The following MTSS1 variants were observed in gnomAD, a reference collection of about 807,000 sequenced individuals.
MTSS1 encodes the protein protein MTSS 1.
In MTSS1, 18 loss-of-function variants were observed where a neutral mutation model predicts 79.0. That is an observed-to-expected ratio of 0.23 (90% CI 0.16 to 0.34). The LOEUF (loss-of-function observed/expected upper bound fraction) is 0.34. Among genes scored for constraint, MTSS1 ranks in the 10% least tolerant of loss-of-function variants. The pLI is 1.00. For synonymous variants in MTSS1, 341 were observed against 368.6 expected (o/e 0.93, Z 0.86); for missense variants, 815 against 986.2 (o/e 0.83, Z 2.33).
intron 3 of MTSS1, among the ~76,000 whole-genome samples, chr8:124,629,677 G>A (rs751814633): frequency 6.6e-5 from 10 of 151,970 alleles, no homozygotes; most frequent in Non-Finnish European, 1.2e-4. Context: ...TGCCTCCAAC[G>A]TTAAGTGGCC....
At chr8:124,557,610 G>C (rs1029613558) in intron 11 of MTSS1, 71 bp downstream of exon 11, 7 of 1,391,928 alleles carry the variant, frequency 5.0e-6, no homozygotes, top group Admixed American at 4.1e-5. Flanking sequence ...GTCGGGGTGA[G>C]GGGGTTGGAA....
At chr8:124,664,741 C>T (rs535436402) in intron 3 of MTSS1, among the ~76,000 whole-genome samples, 6 of 152,316 alleles carry the variant, frequency 3.9e-5, no homozygotes, top group African/African-American at 1.2e-4. Context: ...TTGCTTCAGC[C>T]TCCAGGCCTG....
At chr8:124,650,607 C>T (rs1012452648) in intron 3 of MTSS1, among the ~76,000 whole-genome samples, 10 of 152,308 alleles carry the variant, frequency 6.6e-5, no homozygotes, top group Admixed American at 2.0e-4. Flanking sequence ...CTTTGATCAA[C>T]CCAGCCTTCT....
At chr8:124,704,330 G>A (rs1027111945) in intron 1 of MTSS1, 139 bp from the exon 2 acceptor site, 25 of 745,536 alleles carry the variant, frequency 3.4e-5, no homozygotes, top group East Asian at 1.5e-4. Context: ...TACGTTTCCC[G>A]GATTCTATAT....
At chr8:124,697,746 A>T (rs1587863079) in intron 3 of MTSS1, among the ~76,000 whole-genome samples, 1 of 152,182 alleles carries the variant, frequency 6.6e-6, no homozygotes, top group Admixed American at 6.5e-5. Context: ...GTATTTTCTC[A>T]AGTTTCTATA....
At chr8:124,571,906 G>A (rs1297563276) in intron 6 of MTSS1, among the ~76,000 whole-genome samples, 9 of 152,216 alleles carry the variant, frequency 5.9e-5, no homozygotes, top group Admixed American at 5.2e-4. Context: ...GGAGGTTGCA[G>A]TGAGCTGAGA....
chr8:124,727,642 T>A lies in MTSS1; in HGVS notation c.72+242A>T. 1 of 652,160 alleles carries A rather than the reference T, an allele frequency of 1.5e-6. No homozygotes were observed. 40.4% of individuals were successfully genotyped at this position (652,160 alleles called of 1,614,324 possible). A position where few individuals can be genotyped will look rare whatever the true frequency, so the allele number is the denominator to read the frequency against. On this transcript the variant is annotated intron_variant, in intron 1 of 13. Coordinates refer to ENST00000518547, the MANE Select transcript of MTSS1 (RefSeq NM_014751.6). The surrounding 1 kb of genome is among the most constrained non-coding windows in gnomAD (Gnocchi z 4.7). The stretch of plus-strand genomic sequence containing the variant: ...GAAATGGTGCCGCCCCCTGGGACAA[T>A]GAGCGGGGGAGATGGCGTGGGACAG...
chr8:124,554,015 G>A (rs1823047805), intron 13 of MTSS1, among the ~76,000 whole-genome samples: 1 of 152,218 alleles, frequency 6.6e-6, no homozygotes, highest in Non-Finnish European at 1.5e-5. Context: ...GGAATAAGGG[G>A]GATGAAAGAA....
chr8:124,561,415 T>C (rs1330664333), intron 10 of MTSS1, among the ~76,000 whole-genome samples: 1 of 152,178 alleles, frequency 6.6e-6, no homozygotes, highest in Non-Finnish European at 1.5e-5. Flanking sequence ...CGAGACTGTC[T>C]TAAAAACATA....
At chr8:124,631,711 A>G (rs1298463100) in intron 3 of MTSS1, among the ~76,000 whole-genome samples, 2 of 152,102 alleles carry the variant, frequency 1.3e-5, no homozygotes, top group Non-Finnish European at 2.9e-5. Context: ...TGTCTCTCCA[A>G]TTCAAACTGC....
intron 6 of MTSS1, among the ~76,000 whole-genome samples, chr8:124,577,996 G>T (rs552558773): frequency 3.3e-5 from 5 of 152,302 alleles, no homozygotes; most frequent in African/African-American, 1.2e-4. Context: ...GGATACGGCT[G>T]GGGGATGAGC....
chr8:124,658,170 C>G lies in MTSS1; in HGVS notation c.208+41356G>C, dbSNP rs1050340710. 2.0e-5 allele frequency among the ~76,000 whole-genome samples: 3 copies of G among 152,164 alleles called. No individual in the cohort carries two copies. In the South Asian group the frequency reaches 6.2e-4, roughly 32 times the overall value. ...TGGGTGATATGATTTGGCTCCATCCCCGCCCAAATCTCATCTTGAATTGTA... is the reference window on the plus strand; with the variant it reads ...TGGGTGATATGATTTGGCTCCATCCGCGCCCAAATCTCATCTTGAATTGTA... On this transcript the variant is annotated intron_variant, in intron 3 of 13. Coordinates refer to ENST00000518547, the MANE Select transcript of MTSS1 (RefSeq NM_014751.6).
Position 124,703,539 on chromosome 8 carries a change from C to T in MTSS1, c.134+591G>A, listed in dbSNP as rs367686123. Among the ~76,000 whole-genome samples the T allele has an allele frequency of 7.6e-4, 116 of 152,308 alleles. 4 individuals are homozygous for T. In the South Asian group the frequency reaches 0.024, roughly 31 times the overall value. On this transcript the variant is annotated intron_variant, in intron 2 of 13. Transcript: ENST00000518547. ...AACTCCTGACCTTGTGATCTGCCTGCCTGGGCCTCCCAAAGTACTGGGATT... is the reference window on the plus strand; with the variant it reads ...AACTCCTGACCTTGTGATCTGCCTGTCTGGGCCTCCCAAAGTACTGGGATT...
chr8:124,640,064 G>GACAAC (rs1817739081), intron 3 of MTSS1, among the ~76,000 whole-genome samples: 1 of 152,200 alleles, frequency 6.6e-6, no homozygotes, highest in Admixed American at 6.5e-5. Flanking sequence ...CCCAGCTGCA[G>GACAAC]TGCTGGACAG....
At chr8:124,641,302 GA>G (rs1156233662) in intron 3 of MTSS1, among the ~76,000 whole-genome samples, 1 of 152,154 alleles carries the variant, frequency 6.6e-6, no homozygotes, top group Admixed American at 6.5e-5. Context: ...AGCAACTTGG[GA>G]AAACAGTGAA....
At chr8:124,703,587 A>T (rs1272390681) in intron 2 of MTSS1, among the ~76,000 whole-genome samples, 1 of 152,154 alleles carries the variant, frequency 6.6e-6, no homozygotes, top group Non-Finnish European at 1.5e-5. Flanking sequence ...CACCACACCC[A>T]GCCAACAGGA....
chr8:124,670,362 C>G (rs73345805), intron 3 of MTSS1, among the ~76,000 whole-genome samples: 6,572 of 151,814 alleles, frequency 0.043, 456 homozygotes, highest in African/African-American at 0.15. Context: ...AAGGAGATTA[C>G]ACTCAGGCGG....
intron 3 of MTSS1, among the ~76,000 whole-genome samples, chr8:124,674,196 T>A (rs1824847636): frequency 1.3e-5 from 2 of 152,160 alleles, no homozygotes; most frequent in Admixed American, 1.3e-4. Context: ...AGTGCCACAA[T>A]CTCGGCTCAC....
At chr8:124,710,524 C>T (rs1831011521) in intron 1 of MTSS1, among the ~76,000 whole-genome samples, 1 of 152,246 alleles carries the variant, frequency 6.6e-6, no homozygotes, top group South Asian at 2.1e-4. Flanking sequence ...CCTCTTCCTC[C>T]ACTTTCCCTA....
Sources: gnomAD v4.1 joint callset for allele counts (sites outside exome capture counted in the v4.1 genomes callset) on GRCh38, gnomAD v4.1.1 for gene constraint, Gnocchi (gnomAD v3.1) non-coding constraint, MANE v1.5 for transcripts, NCBI Gene and HGNC (gene_info 2026-07-23, HGNC 2026-07-21) for gene names.